ZNF649: variants seen among roughly 807,000 people sequenced by gnomAD.
ZNF649 encodes the protein zinc finger protein 649.
ZNF649 carries 7 observed loss-of-function variants against 14.1 expected under a neutral mutation model. That is an observed-to-expected ratio of 0.49 (90% CI 0.28 to 0.93). ZNF649 has a LOEUF of 0.93. ZNF649 is among the 40% of genes least tolerant of loss of function. The pLI is 0.10. For synonymous variants in ZNF649, 227 were observed against 212.3 expected (o/e 1.07, Z -0.60); for missense variants, 544 against 608.1 (o/e 0.89, Z 1.11).
chr19:51,903,053 G>A (rs934564110), intron 1 of ZNF649, among the ~76,000 whole-genome samples: 1 of 152,072 alleles, frequency 6.6e-6, no homozygotes, highest in Non-Finnish European at 1.5e-5. Context: ...AGGATATTAC[G>A]AAGGATACAG....
intron 4 of ZNF649, among the ~76,000 whole-genome samples, chr19:51,894,993 C>T (rs762315969): frequency 1.7e-4 from 26 of 152,182 alleles, no homozygotes; most frequent in Admixed American, 8.5e-4. Context: ...AAAAGTATGA[C>T]CTCTCTTCAG....
chr19:51,904,439 G>T (rs573455578), intron 1 of ZNF649, among the ~76,000 whole-genome samples: 1 of 152,148 alleles, frequency 6.6e-6, no homozygotes, highest in African/African-American at 2.4e-5. Context: ...ACCCCAGCCA[G>T]GGGCCTGGGC....
chr19:51,901,332 C>A (rs186738113), intron 1 of ZNF649, among the ~76,000 whole-genome samples: 158 of 152,306 alleles, frequency 1.0e-3, no homozygotes, highest in African/African-American at 3.7e-3. Context: ...AAAATCTAAG[C>A]TCCCAAATGC....
chr19:51,891,469 C>T lies in ZNF649; in HGVS notation c.667G>A (p.Glu223Lys), dbSNP rs1276774444. ...TCTCCTCTGTGAGCTCTCTCGTGTTCAGTGAGCCTGTACTTCTTGTAGAAG... is the reference window on the plus strand; with the variant it reads ...TCTCCTCTGTGAGCTCTCTCGTGTTTAGTGAGCCTGTACTTCTTGTAGAAG... The part of the protein sequence containing the change: ...KAFYKKYRLT[E>K]HERAHRGEKP... The change falls in exon 5 of 5, where the codon GAA becomes AAA. Residue 223 changes from glutamate to lysine, a missense_variant. Transcript: ENST00000354957. This position sits in a 1 kb window ranked among gnomAD's most constrained non-coding sequence, Gnocchi z 4.2. The T allele has an allele frequency of 6.2e-7, 1 of 1,613,910 alleles. No homozygotes were observed. Among genetic ancestry groups the T allele is most frequent in the Non-Finnish European group, 8.5e-7 (1 of 1,179,868 alleles).
chr19:51,899,728 T>C (rs1014231568), intron 2 of ZNF649: 2 of 210,940 alleles, frequency 9.5e-6, no homozygotes, highest in East Asian at 1.0e-4. Flanking sequence ...TTAAGTGCCA[T>C]GAAATACTGA....
At chr19:51,895,648 G>C (rs1568455937) in intron 4 of ZNF649, among the ~76,000 whole-genome samples, 1 of 151,852 alleles carries the variant, frequency 6.6e-6, no homozygotes, top group Admixed American at 6.6e-5. Flanking sequence ...GGCCTCCTAT[G>C]CCTCAGTTCT....
At chr19:51,904,258 T>C (rs962631961) in intron 1 of ZNF649, 1 of 152,214 alleles carries the variant, frequency 6.6e-6, no homozygotes, top group Non-Finnish European at 1.5e-5. Context: ...GTAAATTTAA[T>C]TCGGCTTCAA....
At chr19:51,896,683 G>A (rs1476157524) in intron 3 of ZNF649, 116 bp from the exon 4 acceptor site, 2 of 1,555,398 alleles carry the variant, frequency 1.3e-6, no homozygotes, top group Non-Finnish European at 1.8e-6. Flanking sequence ...CAAATTAAAG[G>A]CTTTTTTTCT....
intron 3 of ZNF649, 131 bp downstream of exon 3, chr19:51,896,721 T>C: frequency 6.3e-7 from 1 of 1,593,304 alleles, no homozygotes. Flanking sequence ...TGCCTCTTCC[T>C]GTGGGACCAG....
Position 51,890,404 on chromosome 19 carries a change from GC to G in ZNF649, c.*213del, listed in dbSNP as rs1163415387. ...ACACCAAGTGGAAGCCTCTAAAACTGCCCCCCTCCCCAGCCAAACTCTATGA... is the reference window on the plus strand; with the variant it reads ...ACACCAAGTGGAAGCCTCTAAAACTGCCCCCTCCCCAGCCAAACTCTATGA... On this transcript the variant is annotated 3_prime_UTR_variant, in exon 5 of 5. Transcript: ENST00000354957. 8.2e-6 allele frequency: 4 copies of G among 488,614 alleles called. No homozygotes were observed. Among genetic ancestry groups the G allele is most frequent in the Non-Finnish European group, 1.4e-5 (4 of 278,922 alleles). 30.3% of individuals were successfully genotyped at this position (488,614 alleles called of 1,614,324 possible). A position where few individuals can be genotyped will look rare whatever the true frequency, so the allele number is the denominator to read the frequency against.
chr19:51,889,713 A>G lies in ZNF649; in HGVS notation c.*905T>C, dbSNP rs2085004239. On this transcript the variant is annotated 3_prime_UTR_variant, in exon 5 of 5. Transcript: ENST00000354957. ...TCCCTCACAATGATGTATGCTATAA[A>G]ATCTCAAGGAATCAAATGACAAGGA... 1 of 152,244 alleles carries G rather than the reference A, an allele frequency of 6.6e-6. No individual in the cohort carries two copies. The highest frequency in any genetic ancestry group is 6.5e-5 in the Admixed American group (1 of 15,280). The allele number at this position is 152,244 out of a possible 1,614,324, so 9.4% of individuals were successfully genotyped here.
intron 2 of ZNF649, 84 bp downstream of exon 2, chr19:51,900,009 T>C: frequency 7.7e-7 from 1 of 1,291,796 alleles, no homozygotes. Flanking sequence ...CAATTTATAC[T>C]TTTAATGTAA....
At chr19:51,898,545 C>A (rs1393875579) in intron 2 of ZNF649, among the ~76,000 whole-genome samples, 1 of 151,730 alleles carries the variant, frequency 6.6e-6, no homozygotes, top group African/African-American at 2.4e-5. Flanking sequence ...CCTTCCCCCA[C>A]CCCCCACTTC....
chr19:51,895,370 G>A (rs2085055049), intron 4 of ZNF649, among the ~76,000 whole-genome samples: 1 of 151,998 alleles, frequency 6.6e-6, no homozygotes, highest in African/African-American at 2.4e-5. Flanking sequence ...TTGAAACAGA[G>A]TCTCACTCTG....
At position 51,900,151 on chromosome 19, in the gene ZNF649, CT is replaced by C; in HGVS notation, c.-45del. 1 of 1,472,374 alleles carries C rather than the reference CT, an allele frequency of 6.8e-7. No homozygotes were observed. The highest frequency in any genetic ancestry group is 9.0e-7 in the Non-Finnish European group (1 of 1,108,968). The allele number at this position is 1,472,374 out of a possible 1,614,324, so 91.2% of individuals were successfully genotyped here. A position where few individuals can be genotyped will look rare whatever the true frequency, so the allele number is the denominator to read the frequency against. ...ATACCCAAGAACTGGGATGCTTCGT[CT>C]TTGGTTTCTTCTGGATCCTCCCTAA... On this transcript the variant is annotated 5_prime_UTR_variant, in exon 2 of 5. Coordinates refer to ENST00000354957, the MANE Select transcript of ZNF649 (RefSeq NM_023074.4).
At chr19:51,904,136 T>C (rs1365415901) in intron 1 of ZNF649, 1 of 152,208 alleles carries the variant, frequency 6.6e-6, no homozygotes. Context: ...ACTTTACCTT[T>C]TTTGTCTATA....
intron 4 of ZNF649, among the ~76,000 whole-genome samples, chr19:51,894,447 T>C (rs1172728801): frequency 6.6e-6 from 1 of 152,192 alleles, no homozygotes; most frequent in Non-Finnish European, 1.5e-5. Context: ...AGGCTAATCT[T>C]CTGACAGTCC....
chr19:51,898,107 A>G (rs2085074164), intron 2 of ZNF649, among the ~76,000 whole-genome samples: 1 of 151,922 alleles, frequency 6.6e-6, no homozygotes, highest in East Asian at 1.9e-4. Context: ...AAAAAAAAAA[A>G]AAAAAAAACT....
chr19:51,890,810 C>A lies in ZNF649; in HGVS notation c.1326G>T (p.Met442Ile). ...TTCTCTTATGTTTAACAAGGCAAGA[C>A]ATATAGAAGTAAGCTTTCTCACACT... ...CDECEKAYFY[M>I]SCLVKHKRIH... Residue 442 changes from methionine to isoleucine, a missense_variant, in exon 5 of 5, where the codon ATG becomes ATT. Met to Ile is a conservative substitution (Grantham distance 10). Transcript: ENST00000354957. The A allele has an allele frequency of 1.2e-6, 2 of 1,614,238 alleles. No individual in the cohort carries two copies. Among genetic ancestry groups the A allele is most frequent in the Non-Finnish European group, 1.7e-6 (2 of 1,180,036 alleles).
Sources: allele counts gnomAD v4.1 joint callset (sites outside exome capture counted in the v4.1 genomes callset), GRCh38; gene constraint gnomAD v4.1.1; non-coding constraint Gnocchi (gnomAD v3.1); transcripts MANE v1.5; gene names NCBI Gene and HGNC (gene_info 2026-07-23, HGNC 2026-07-21).